ST6GAL1: variants seen among roughly 807,000 people sequenced by gnomAD.
ST6GAL1 encodes beta-galactoside alpha-2,6-sialyltransferase 1.
ST6GAL1 carries 20 observed loss-of-function variants against 38.0 expected under a neutral mutation model. That is an observed-to-expected ratio of 0.53 (90% CI 0.37 to 0.77). ST6GAL1 has a LOEUF of 0.77. Among genes scored for constraint, ST6GAL1 ranks in the 30% least tolerant of loss-of-function variants. ST6GAL1 has a pLI of 0.00. For synonymous variants in ST6GAL1, 196 were observed against 188.2 expected (o/e 1.04, Z -0.34); for missense variants, 432 against 496.4 (o/e 0.87, Z 1.23).
At chr3:187,073,214 C>G (rs1034626665) in intron 6 of ST6GAL1, among the ~76,000 whole-genome samples, 1 of 152,190 alleles carries the variant, frequency 6.6e-6, no homozygotes, top group African/African-American at 2.4e-5. Flanking sequence ...TTCCCAGCAT[C>G]TGGGGTAGAT....
At position 187,072,705 on chromosome 3, in the gene ST6GAL1, C is replaced by T. The variant is rs773333248; in HGVS notation, c.706-144C>T. On this transcript the variant is annotated intron_variant, in intron 5 of 7. Transcript: ENST00000169298. ...GCTGGTATCTTTACCTTTCTTTCAC[C>T]GAAGTTAAGTGCTGCACCAGAACTT... 6.0e-5 allele frequency: 45 copies of T among 754,388 alleles called. No individual in the cohort carries two copies. Among genetic ancestry groups the T allele is most frequent in the South Asian group, 2.7e-4 (20 of 73,132 alleles). The allele number at this position is 754,388 out of a possible 1,614,324, so 46.7% of individuals were successfully genotyped here.
intron 1 of ST6GAL1, among the ~76,000 whole-genome samples, chr3:186,947,910 A>G (rs1454460347): frequency 6.6e-6 from 1 of 152,246 alleles, no homozygotes; most frequent in African/African-American, 2.4e-5. Flanking sequence ...GTGTCTGTGA[A>G]AATGTTCACA....
chr3:187,072,811 G>T, intron 5 of ST6GAL1, 38 bp from the exon 6 acceptor site: 1 of 1,555,418 alleles, frequency 6.4e-7, no homozygotes, highest in South Asian at 1.1e-5. Context: ...ATTTGCATAT[G>T]AATGTTCAAG....
rs950531217 is a variant in ST6GAL1, at chr3:187,057,361, C to T, written c.705+6015C>T. Among the ~76,000 whole-genome samples the T allele has an allele frequency of 7.9e-5, 12 of 152,284 alleles. No individual in the cohort carries two copies. The East Asian group carries it at 1.7e-3, about 22-fold the overall frequency. ...TTGTTCTGTTGCTGGCGAGGAGCTG[C>T]GATCCTTTGGAGGCAAAGAGGCACT... On this transcript the variant is annotated intron_variant, in intron 5 of 7. Transcript: ENST00000169298.
In ST6GAL1 at chr3:187,075,998, T is replaced by A; in HGVS notation, c.*195T>A. 1.3e-6 allele frequency: 1 copy of A among 770,636 alleles called. No individual in the cohort carries two copies. The highest frequency in any genetic ancestry group is 2.0e-6 in the Non-Finnish European group (1 of 497,706). The allele number at this position is 770,636 out of a possible 1,614,324, so 47.7% of individuals were successfully genotyped here. ...CAGCCTTCCCTGTAGCCAGACAGTT[T>A]ATGAGCCCAGAGCCTCCTGCCACAC... On this transcript the variant is annotated 3_prime_UTR_variant, in exon 8 of 8. Transcript: ENST00000169298. The surrounding 1 kb of genome is among the most constrained non-coding windows in gnomAD (Gnocchi z 4.1).
At chr3:186,961,996 C>T (rs982311180) in intron 1 of ST6GAL1, among the ~76,000 whole-genome samples, 5 of 152,174 alleles carry the variant, frequency 3.3e-5, no homozygotes, top group African/African-American at 7.2e-5. Context: ...CCTGACTGCT[C>T]TCATTTCCCC....
At chr3:187,002,269 C>G (rs974350263) in intron 2 of ST6GAL1, among the ~76,000 whole-genome samples, 1 of 152,180 alleles carries the variant, frequency 6.6e-6, no homozygotes, top group Non-Finnish European at 1.5e-5. Context: ...AGTGATTTCC[C>G]TCCCACACTT....
At chr3:186,953,564 C>T (rs555837766) in intron 1 of ST6GAL1, among the ~76,000 whole-genome samples, 331 of 152,250 alleles carry the variant, frequency 2.2e-3, no homozygotes, top group Non-Finnish European at 3.9e-3. Flanking sequence ...TGTTGCTGTT[C>T]AATAGCGTAG....
At chr3:186,939,699 T>G (rs1211954646) in intron 1 of ST6GAL1, among the ~76,000 whole-genome samples, 7 of 152,180 alleles carry the variant, frequency 4.6e-5, no homozygotes, top group Non-Finnish European at 7.4e-5. Flanking sequence ...GACTGCCACC[T>G]GCAGCCTCAC....
At chr3:186,946,213 T>C (rs1489203844) in intron 1 of ST6GAL1, among the ~76,000 whole-genome samples, 1 of 151,414 alleles carries the variant, frequency 6.6e-6, no homozygotes, top group Non-Finnish European at 1.5e-5. Context: ...TCGGTGGGGC[T>C]GAGGCAGAAG....
chr3:187,011,562 G>T (rs1716957472), intron 2 of ST6GAL1, among the ~76,000 whole-genome samples: 1 of 152,194 alleles, frequency 6.6e-6, no homozygotes, highest in African/African-American at 2.4e-5. Flanking sequence ...TGAGGCTCAG[G>T]ATGTGAAACA....
intron 4 of ST6GAL1, among the ~76,000 whole-genome samples, chr3:187,048,094 C>T (rs1718367007): frequency 6.6e-6 from 1 of 152,036 alleles, no homozygotes; most frequent in Non-Finnish European, 1.5e-5. Context: ...AGGCGCCTGC[C>T]ACCATACTCG....
chr3:187,010,047 C>T (rs1183892735), intron 2 of ST6GAL1, among the ~76,000 whole-genome samples: 2 of 152,014 alleles, frequency 1.3e-5, no homozygotes, highest in Non-Finnish European at 2.9e-5. Flanking sequence ...CATTTCATAA[C>T]ATATTTAACT....
chr3:187,043,255 T>G lies in ST6GAL1; in HGVS notation c.552T>G (p.Cys184Trp). ...IRTKAGPWGR[C>W]AVVSSAGSLK... ...CCAAGGCTGGGCCTTGGGGCAGGTG[T>G]GCTGTTGTGTCGTCAGCGGGATCTC... Residue 184 changes from cysteine to tryptophan, a missense_variant, in exon 4 of 8, where the codon TGT (cysteine) becomes TGG (tryptophan). By Grantham distance (215) the Cys-to-Trp change is radical. Coordinates refer to ENST00000169298, the MANE Select transcript of ST6GAL1 (RefSeq NM_173216.2). 1.2e-6 allele frequency: 2 copies of G among 1,614,212 alleles called. No individual in the cohort carries two copies. Among genetic ancestry groups the G allele is most frequent in the Non-Finnish European group, 1.7e-6 (2 of 1,180,032 alleles).
At chr3:187,001,729 G>C (rs976158791) in intron 2 of ST6GAL1, among the ~76,000 whole-genome samples, 1 of 152,078 alleles carries the variant, frequency 6.6e-6, no homozygotes, top group African/African-American at 2.4e-5. Context: ...AGGCCCAGGC[G>C]GGCAGATCAC....
chr3:186,998,212 TTCTGAAAGTAGAC>T (rs2108550860), intron 2 of ST6GAL1, among the ~76,000 whole-genome samples: 1 of 152,314 alleles, frequency 6.6e-6, no homozygotes, highest in African/African-American at 2.4e-5. Context: ...CATGTATATT[TTCTGAAAGTAGAC>T]TCTGAAAAAT....
Position 186,992,786 on chromosome 3 carries a change from ACT to A in ST6GAL1, c.-183+28863_-183+28864del, listed in dbSNP as rs1448224242. ...ACGCTAGCTTGGGCAACAGAGTGAG[ACT>A]CTGTCTCAAAAACAACAACAACAAA... On this transcript the variant is annotated intron_variant, in intron 2 of 7. Transcript: ENST00000169298. 2.1e-4 allele frequency among the ~76,000 whole-genome samples: 31 copies of A among 149,566 alleles called. No homozygotes were observed. In the East Asian group the frequency reaches 5.5e-3, roughly 27 times the overall value.
At chr3:186,967,493 G>A (rs71322425) in intron 2 of ST6GAL1, among the ~76,000 whole-genome samples, 2,731 of 152,260 alleles carry the variant, frequency 0.018, 43 homozygotes, top group Non-Finnish European at 0.028. Flanking sequence ...CGCCTGGCCC[G>A]AACACAGAGT....
At chr3:186,995,262 A>G (rs1208004033) in intron 2 of ST6GAL1, among the ~76,000 whole-genome samples, 1 of 151,898 alleles carries the variant, frequency 6.6e-6, no homozygotes, top group Non-Finnish European at 1.5e-5. Flanking sequence ...TAATCCCAGC[A>G]CTTTGGGAGG....
Sources: allele counts gnomAD v4.1 joint callset (sites outside exome capture counted in the v4.1 genomes callset), GRCh38; gene constraint gnomAD v4.1.1; non-coding constraint Gnocchi (gnomAD v3.1); transcripts MANE v1.5; gene names NCBI Gene and HGNC (gene_info 2026-07-23, HGNC 2026-07-21).